Variants in WWC1 observed in about 807,000 individuals in gnomAD.
WWC1 encodes the protein WW and C2 domain containing 1.
WWC1 carries 55 observed loss-of-function variants against 138.4 expected under a neutral mutation model. The ratio of observed to expected loss-of-function variants is 0.40; its 90% CI spans 0.32 to 0.50. WWC1 has a LOEUF of 0.50. WWC1 is among the 20% of genes least tolerant of loss of function. The probability of loss-of-function intolerance (pLI) is 0.72; values close to 1 mark genes in which losing one functional copy is unlikely to be tolerated. For synonymous variants in WWC1, 524 were observed against 564.9 expected, an observed-to-expected ratio of 0.93 and a Z score of 1.03; for missense variants, 1,226 against 1,420.4, an observed-to-expected ratio of 0.86 and a Z score of 2.20.
At chr5:168,447,504 A>T (rs772376888) in intron 17 of WWC1, among the ~76,000 whole-genome samples, 1 of 152,138 alleles carries the variant, frequency 6.6e-6, no homozygotes, top group Non-Finnish European at 1.5e-5. Context: ...TTTGCATTTT[A>T]TATAATTTGC....
At chr5:168,372,443 A>G (rs1393205946) in intron 2 of WWC1, among the ~76,000 whole-genome samples, 2 of 152,220 alleles carry the variant, frequency 1.3e-5, no homozygotes, top group Admixed American at 1.3e-4. Flanking sequence ...AGAAGAAAAT[A>G]GAATGAAATG....
intron 1 of WWC1, among the ~76,000 whole-genome samples, chr5:168,315,028 A>AC (rs1171447662): frequency 3.3e-5 from 5 of 151,774 alleles, no homozygotes; most frequent in Non-Finnish European, 7.4e-5. Flanking sequence ...GGCTGCTGAC[A>AC]CCCCCCAGAT....
intron 3 of WWC1, among the ~76,000 whole-genome samples, chr5:168,396,578 A>G (rs1187329734): frequency 6.6e-6 from 1 of 152,182 alleles, no homozygotes; most frequent in Non-Finnish European, 1.5e-5. Context: ...TTTTCTGAAC[A>G]GTGGGGTTGT....
intron 21 of WWC1, among the ~76,000 whole-genome samples, chr5:168,466,431 C>A (rs1037648884): frequency 1.3e-5 from 2 of 152,334 alleles, no homozygotes; most frequent in East Asian, 3.9e-4. Context: ...ACACAGCCAG[C>A]CTTGCTGAGA....
intron 1 of WWC1, among the ~76,000 whole-genome samples, chr5:168,364,214 G>A (rs1439342979): frequency 6.6e-6 from 1 of 152,094 alleles, no homozygotes; most frequent in Non-Finnish European, 1.5e-5. Context: ...GGTGGAGCCT[G>A]GGTTTCAGCC....
In WWC1 at chr5:168,469,144, A is replaced by G; in HGVS notation, c.*127A>G. ...TCCTCTAGTGCTCTTGTTGGTTTGA[A>G]GATGAACCGACTTTTTAGTTTGGGT... On this transcript the variant is annotated 3_prime_UTR_variant, in exon 23 of 23. Coordinates refer to ENST00000265293, the MANE Select transcript of WWC1 (RefSeq NM_015238.3). The G allele has an allele frequency of 8.9e-7, 1 of 1,122,660 alleles. No individual in the cohort carries two copies. Among genetic ancestry groups the G allele is most frequent in the Non-Finnish European group, 1.3e-6 (1 of 772,804 alleles). The allele number at this position is 1,122,660 out of a possible 1,614,324, so 69.5% of individuals were successfully genotyped here.
In WWC1 at chr5:168,292,002, C is replaced by T. The variant is rs1321441014; in HGVS notation, c.-151C>T. 10 of 868,516 alleles carry T rather than the reference C, an allele frequency of 1.2e-5. No homozygotes were observed. The highest frequency in any genetic ancestry group is 1.6e-5 in the Non-Finnish European group (10 of 636,338). The allele number at this position is 868,516 out of a possible 1,614,324, so 53.8% of individuals were successfully genotyped here. A position where few individuals can be genotyped will look rare whatever the true frequency, so the allele number is the denominator to read the frequency against. On this transcript the variant is annotated 5_prime_UTR_variant, in exon 1 of 23. Transcript: ENST00000265293. The surrounding 1 kb of genome is among the most constrained non-coding windows in gnomAD (Gnocchi z 4.4). ...CGCATGGACAGCGGCGCCACCCCGG[C>T]CGGCCCCTACTAGGGCCCCCCATCT...
chr5:168,370,752 G>A (rs1318914436), intron 1 of WWC1, among the ~76,000 whole-genome samples: 1 of 152,314 alleles, frequency 6.6e-6, no homozygotes, highest in East Asian at 1.9e-4. Flanking sequence ...TTGAGACTTG[G>A]TGATTACTAC....
chr5:168,356,574 C>G (rs1434519107), intron 1 of WWC1, among the ~76,000 whole-genome samples: 1 of 152,252 alleles, frequency 6.6e-6, no homozygotes, highest in Non-Finnish European at 1.5e-5. Context: ...TCTCAAATCA[C>G]TGAAACCTGT....
chr5:168,431,881 G>T (rs377233877), intron 15 of WWC1, among the ~76,000 whole-genome samples: 2 of 151,964 alleles, frequency 1.3e-5, no homozygotes, highest in African/African-American at 4.8e-5. Context: ...AGCAGCCTGG[G>T]CAACACAGCA....
intron 21 of WWC1, among the ~76,000 whole-genome samples, chr5:168,467,054 G>A (rs376244645): frequency 1.3e-5 from 2 of 152,144 alleles, no homozygotes; most frequent in East Asian, 3.9e-4. Context: ...AAGGTCAGGA[G>A]ATTGAGACCA....
intron 19 of WWC1, among the ~76,000 whole-genome samples, chr5:168,459,696 GT>G (rs1756632859): frequency 3.3e-5 from 5 of 152,140 alleles, no homozygotes; most frequent in African/African-American, 7.2e-5. Context: ...TGCTGTGTTT[GT>G]CAGCTTAGCA....
At position 168,294,766 on chromosome 5, in the gene WWC1, C is replaced by T. The variant is rs577053944; in HGVS notation, c.119+2495C>T. On this transcript the variant is annotated intron_variant, in intron 1 of 22. Coordinates refer to ENST00000265293, the MANE Select transcript of WWC1 (RefSeq NM_015238.3). ...TCAACCTCCCGAGTAGCTGGGACTACAGGTGCACGCCACCACATCCAGCCA... is the reference window on the plus strand; with the variant it reads ...TCAACCTCCCGAGTAGCTGGGACTATAGGTGCACGCCACCACATCCAGCCA... Among the ~76,000 whole-genome samples, 5 of 152,260 alleles carry T rather than the reference C, an allele frequency of 3.3e-5. No homozygotes were observed. The East Asian group carries it at 7.7e-4, about 24-fold the overall frequency.
At chr5:168,431,674 C>A (rs747636156) in intron 15 of WWC1, among the ~76,000 whole-genome samples, 4 of 152,162 alleles carry the variant, frequency 2.6e-5, no homozygotes, top group Non-Finnish European at 4.4e-5. Context: ...AGCTCTTTCA[C>A]AAGAGGAAGA....
intron 11 of WWC1, among the ~76,000 whole-genome samples, chr5:168,424,944 T>C (rs1781388840): frequency 6.6e-6 from 1 of 152,174 alleles, no homozygotes; most frequent in African/African-American, 2.4e-5. Flanking sequence ...ACAGCTAAGA[T>C]TTATTAGGAG....
Position 168,454,016 on chromosome 5 carries a change from G to A in WWC1, c.2574G>A (p.Glu858=), listed in dbSNP as rs1432228925. The A allele has an allele frequency of 6.3e-7, 1 of 1,588,846 alleles. No homozygotes were observed. Among genetic ancestry groups the A allele is most frequent in the East Asian group, 2.3e-5 (1 of 43,564 alleles). The part of the protein sequence containing the change: ...SENEAVAEEE[E]EEVEEEEGEE... ...ATGAGGCAGTAGCCGAGGAAGAGGAGGAGGAGGTGGAGGAGGAGGAGGGAG... is the reference window on the plus strand; with the variant it reads ...ATGAGGCAGTAGCCGAGGAAGAGGAAGAGGAGGTGGAGGAGGAGGAGGGAG... The change falls in exon 18 of 23, where the codon GAG becomes GAA. Residue 858 remains glutamate (E), a synonymous_variant. Transcript: ENST00000265293.
intron 1 of WWC1, among the ~76,000 whole-genome samples, chr5:168,317,274 CCTT>C (rs1259337441): frequency 1.3e-5 from 2 of 152,188 alleles, no homozygotes; most frequent in Admixed American, 1.3e-4. Flanking sequence ...CACTCACCCT[CCTT>C]GAGTTCTCTG....
intron 1 of WWC1, among the ~76,000 whole-genome samples, chr5:168,303,777 C>T (rs1192307156): frequency 6.6e-5 from 10 of 152,258 alleles, no homozygotes; most frequent in African/African-American, 1.4e-4. Flanking sequence ...GACTCCCCTG[C>T]GCTGAGCTGC....
At chr5:168,339,372 C>T (rs535349464) in intron 1 of WWC1, among the ~76,000 whole-genome samples, 3 of 152,210 alleles carry the variant, frequency 2.0e-5, no homozygotes, top group South Asian at 2.1e-4. Flanking sequence ...CCAGTGGAGG[C>T]GCTGTTGGGG....
Sources: allele counts gnomAD v4.1 joint callset (sites outside exome capture counted in the v4.1 genomes callset), GRCh38; gene constraint gnomAD v4.1.1; non-coding constraint Gnocchi (gnomAD v3.1); transcripts MANE v1.5; gene names NCBI Gene and HGNC (gene_info 2026-07-23, HGNC 2026-07-21).